ROBO1: variants seen among roughly 807,000 people sequenced by gnomAD.
ROBO1 encodes roundabout guidance receptor 1.
In ROBO1, 149 loss-of-function variants were observed where a neutral mutation model predicts 195.9. The observed-to-expected ratio is 0.76, with a 90% CI of 0.67 to 0.87. The LOEUF is 0.87. Ranked by LOEUF, ROBO1 falls within the 40% of genes least tolerant of loss-of-function variation. The pLI is 0.00. For synonymous variants in ROBO1, 816 were observed against 733.2 expected, an observed-to-expected ratio of 1.11 and a Z score of -1.82; for missense variants, 1,933 against 2,068.3, an observed-to-expected ratio of 0.93 and a Z score of 1.27.
chr3:79,618,636 C>T (rs1189212847), intron 1 of ROBO1, among the ~76,000 whole-genome samples: 1 of 152,138 alleles, frequency 6.6e-6, no homozygotes, highest in Non-Finnish European at 1.5e-5. Context: ...ACTCCTTTTT[C>T]AGACTAGTCT....
intron 2 of ROBO1, among the ~76,000 whole-genome samples, chr3:79,329,117 A>G (rs2034332434): frequency 6.6e-6 from 1 of 152,170 alleles, no homozygotes; most frequent in Non-Finnish European, 1.5e-5. Flanking sequence ...TTTCCTTATT[A>G]GAAACACTTC....
chr3:78,656,311 T>C (rs1384773485), intron 18 of ROBO1, among the ~76,000 whole-genome samples: 1 of 151,708 alleles, frequency 6.6e-6, no homozygotes, highest in Non-Finnish European at 1.5e-5. Context: ...TTCTAATACC[T>C]GGTTTAAGTT....
chr3:79,047,524 C>A (rs918071581), intron 3 of ROBO1, among the ~76,000 whole-genome samples: 5 of 152,074 alleles, frequency 3.3e-5, no homozygotes, highest in East Asian at 1.9e-4. Context: ...GGACTGTCAT[C>A]TTTTCGTGAA....
chr3:79,620,133 C>T lies in ROBO1; in HGVS notation c.-50-30172G>A, dbSNP rs550018646. On this transcript the variant is annotated intron_variant, in intron 1 of 30. Transcript: ENST00000464233. Reference sequence around the variant, plus strand: ...CACTGGGCCAAGGAATGTCAACAGCCCAGGATTCCTCCTAAGCTGTGTCCC... The same window carrying T: ...CACTGGGCCAAGGAATGTCAACAGCTCAGGATTCCTCCTAAGCTGTGTCCC... Among the ~76,000 whole-genome samples the T allele has an allele frequency of 7.9e-5, 12 of 152,314 alleles. 1 individual carries two copies. Among genetic ancestry groups the T allele is most frequent in the African/African-American group, 2.9e-4 (12 of 41,574 alleles).
intron 10 of ROBO1, among the ~76,000 whole-genome samples, chr3:78,683,391 G>T (rs962231623): frequency 6.6e-6 from 1 of 151,982 alleles, no homozygotes; most frequent in African/African-American, 2.4e-5. Context: ...TAGGGAGTGG[G>T]TGTGTACATG....
chr3:78,712,528 G>A (rs139366749), intron 8 of ROBO1, among the ~76,000 whole-genome samples: 1 of 152,050 alleles, frequency 6.6e-6, no homozygotes, highest in African/African-American at 2.4e-5. Context: ...TTAACATACT[G>A]TGTTTATTAT....
chr3:79,447,866 G>A (rs1244513830), intron 2 of ROBO1, among the ~76,000 whole-genome samples: 106 of 152,046 alleles, frequency 7.0e-4, no homozygotes, highest in Non-Finnish European at 7.4e-5. Context: ...TTACGTGGGT[G>A]GTGGGGTTAA....
At chr3:79,306,900 G>C (rs1236943517) in intron 2 of ROBO1, among the ~76,000 whole-genome samples, 1 of 152,148 alleles carries the variant, frequency 6.6e-6, no homozygotes, top group Non-Finnish European at 1.5e-5. Flanking sequence ...GGGACAGATA[G>C]CTCAATATTT....
rs57887981 is a variant in ROBO1, at chr3:79,500,119, CTTTTTTTTTTTTTT to C, written c.88+89691_88+89704del. Among the ~76,000 whole-genome samples, 77 of 72,498 alleles carry C rather than the reference CTTTTTTTTTTTTTT, an allele frequency of 1.1e-3. 1 individual carries two copies. The highest frequency in any genetic ancestry group is 0.012 in the Middle Eastern group (1 of 82). The allele number at this position is 72,498 out of a possible 152,430, so 47.6% of individuals were successfully genotyped here. ...CATCCCATGCGGCAGTAAGTTTTCT[CTTTTTTTTTTTTTT>C]TTTTTTTTTTTTTTTGAGAAGAAGT... is the stretch of plus-strand genomic sequence containing the variant. On this transcript the variant is annotated intron_variant, in intron 2 of 30. Transcript: ENST00000464233.
At chr3:78,819,815 G>A (rs573973654) in intron 4 of ROBO1, among the ~76,000 whole-genome samples, 15 of 152,020 alleles carry the variant, frequency 9.9e-5, no homozygotes, top group African/African-American at 2.7e-4. Context: ...CCACCAACCC[G>A]ATACACACAA....
At chr3:79,667,795 T>G (rs1287055726) in intron 1 of ROBO1, among the ~76,000 whole-genome samples, 2 of 151,758 alleles carry the variant, frequency 1.3e-5, no homozygotes, top group African/African-American at 4.8e-5. Context: ...GTTCCTTATA[T>G]TAAAATAAAT....
At chr3:78,911,022 G>T (rs1432398151) in intron 4 of ROBO1, among the ~76,000 whole-genome samples, 7 of 151,978 alleles carry the variant, frequency 4.6e-5, no homozygotes, top group Non-Finnish European at 1.0e-4. Context: ...TTTAAGGGCT[G>T]CTGTTCTAGA....
chr3:79,527,409 C>G (rs1263635105), intron 2 of ROBO1, among the ~76,000 whole-genome samples: 1 of 151,966 alleles, frequency 6.6e-6, no homozygotes, highest in East Asian at 1.9e-4. Flanking sequence ...TCTTCAAATT[C>G]CTTTAAAAAT....
At chr3:79,186,522 C>G (rs1188129214) in intron 2 of ROBO1, among the ~76,000 whole-genome samples, 1 of 152,114 alleles carries the variant, frequency 6.6e-6, no homozygotes, top group Non-Finnish European at 1.5e-5. Context: ...GTTTCTCAAT[C>G]TGGGCCCTGC....
intron 8 of ROBO1, among the ~76,000 whole-genome samples, chr3:78,709,744 A>C (rs1434600411): frequency 1.3e-5 from 2 of 152,174 alleles, no homozygotes; most frequent in African/African-American, 2.4e-5. Flanking sequence ...TAATCTTACT[A>C]GTCTCTGTAT....
chr3:78,826,825 GT>G (rs1328672050), intron 4 of ROBO1, among the ~76,000 whole-genome samples: 2 of 152,112 alleles, frequency 1.3e-5, no homozygotes, highest in African/African-American at 4.8e-5. Flanking sequence ...CCCTCCAGTT[GT>G]TTTTGTATTG....
chr3:79,285,410 T>C (rs745984775), intron 2 of ROBO1, among the ~76,000 whole-genome samples: 1 of 152,206 alleles, frequency 6.6e-6, no homozygotes, highest in Non-Finnish European at 1.5e-5. Flanking sequence ...GTTATAAACA[T>C]AGAATAGCCC....
chr3:79,469,550 A>G (rs1303647405), intron 2 of ROBO1, among the ~76,000 whole-genome samples: 1 of 152,238 alleles, frequency 6.6e-6, no homozygotes, highest in African/African-American at 2.4e-5. Context: ...AGTAGAAATC[A>G]GCAGCCGGAT....
intron 1 of ROBO1, among the ~76,000 whole-genome samples, chr3:79,647,616 C>T (rs1162050587): frequency 1.3e-5 from 2 of 152,036 alleles, no homozygotes; most frequent in East Asian, 1.9e-4. Flanking sequence ...GCTAAACTTC[C>T]TACTAAGCAC....
Sources: gnomAD v4.1 joint callset for allele counts (sites outside exome capture counted in the v4.1 genomes callset) on GRCh38, gnomAD v4.1.1 for gene constraint, MANE v1.5 for transcripts, NCBI Gene and HGNC (gene_info 2026-07-23, HGNC 2026-07-21) for gene names.